ADGRB3: variants seen among roughly 807,000 people sequenced by gnomAD.
ADGRB3 encodes adhesion G protein-coupled receptor B3.
A neutral mutation model predicts 193.4 loss-of-function variants in ADGRB3; 37 were observed. That is an observed-to-expected ratio of 0.19 (90% CI 0.15 to 0.25). ADGRB3 has a LOEUF of 0.25. ADGRB3 is among the 10% of genes least tolerant of loss of function. The pLI is 1.00. For synonymous variants in ADGRB3, 690 were observed against 644.2 expected, an observed-to-expected ratio of 1.07 and a Z score of -1.08; for missense variants, 1,637 against 1,852.9, an observed-to-expected ratio of 0.88 and a Z score of 2.14.
chr6:68,803,090 T>C (rs1328877389), intron 3 of ADGRB3, among the ~76,000 whole-genome samples: 1 of 152,090 alleles, frequency 6.6e-6, no homozygotes, highest in Non-Finnish European at 1.5e-5. Context: ...CTATTGTCTG[T>C]ATATATGACA....
rs75942607 is a variant in ADGRB3, at chr6:69,061,393, A to C, written c.2334-1541A>C. On this transcript the variant is annotated intron_variant, in intron 15 of 31. Transcript: ENST00000370598. ...ATTAGAGAAAAACAAATCTCAAAAAAAGCTAGGTTCAGCATGGTTCCACCG... is the reference window on the plus strand; with the variant it reads ...ATTAGAGAAAAACAAATCTCAAAAACAGCTAGGTTCAGCATGGTTCCACCG... Among the ~76,000 whole-genome samples, 190 of 152,134 alleles carry C rather than the reference A, an allele frequency of 1.2e-3. 2 individuals carry two copies. Among genetic ancestry groups the C allele is most frequent in the Non-Finnish European group, 2.2e-3 (152 of 67,940 alleles).
chr6:69,338,552 G>T (rs1486366469), intron 24 of ADGRB3, among the ~76,000 whole-genome samples: 1 of 152,156 alleles, frequency 6.6e-6, no homozygotes, highest in Non-Finnish European at 1.5e-5. Flanking sequence ...CATCCTCAGG[G>T]CTAGGAGTCC....
intron 13 of ADGRB3, among the ~76,000 whole-genome samples, chr6:69,018,730 G>A (rs1770170078): frequency 6.6e-6 from 1 of 151,748 alleles, no homozygotes; most frequent in Admixed American, 6.6e-5. Context: ...ATTGCTTGTA[G>A]GCCTATTTTT....
At chr6:69,283,804 C>CA (rs1171464271) in intron 20 of ADGRB3, among the ~76,000 whole-genome samples, 1 of 152,098 alleles carries the variant, frequency 6.6e-6, no homozygotes, top group Non-Finnish European at 1.5e-5. Context: ...AATCTCAGTA[C>CA]AAGCAAGTGC....
intron 27 of ADGRB3, among the ~76,000 whole-genome samples, chr6:69,355,070 G>A (rs1454263097): frequency 6.6e-6 from 1 of 152,068 alleles, no homozygotes; most frequent in Non-Finnish European, 1.5e-5. Context: ...ACTTTACAAA[G>A]AATAATCAAC....
At chr6:69,265,353 A>G (rs553855991) in intron 20 of ADGRB3, among the ~76,000 whole-genome samples, 4 of 152,056 alleles carry the variant, frequency 2.6e-5, no homozygotes, top group African/African-American at 9.6e-5. Context: ...ATGTCTTTAC[A>G]TAGCACCATC....
rs1408880486 is a variant in ADGRB3 at position 69,351,978 on chromosome 6, G to T, written c.3460-2255G>T. 5.3e-5 allele frequency among the ~76,000 whole-genome samples: 8 copies of T among 152,260 alleles called. 1 individual carries two copies. The South Asian group carries it at 1.7e-3, about 32-fold the overall frequency. ...TCTTCATGAGACAAGCTCCCAGAAG[G>T]CACCATTGCTAACACAGTTTATCTT... On this transcript the variant is annotated intron_variant, in intron 26 of 31. Transcript: ENST00000370598.
chr6:69,160,854 T>C (rs535205168), intron 17 of ADGRB3, among the ~76,000 whole-genome samples: 2 of 152,240 alleles, frequency 1.3e-5, no homozygotes, highest in Middle Eastern at 3.4e-3. Context: ...CTTAGTTTCA[T>C]GAAAGAGACC....
intron 17 of ADGRB3, among the ~76,000 whole-genome samples, chr6:69,095,985 G>A (rs946963825): frequency 6.6e-6 from 1 of 152,176 alleles, no homozygotes; most frequent in African/African-American, 2.4e-5. Flanking sequence ...TGTAAGACCA[G>A]AGGCCTAGAA....
At chr6:69,003,282 A>C (rs563216587) in intron 11 of ADGRB3, among the ~76,000 whole-genome samples, 2 of 152,322 alleles carry the variant, frequency 1.3e-5, no homozygotes, top group Non-Finnish European at 2.9e-5. Flanking sequence ...CAAGAAAGAA[A>C]GGTTGAATGT....
intron 13 of ADGRB3, among the ~76,000 whole-genome samples, chr6:69,045,904 A>G (rs1582419174): frequency 1.3e-5 from 2 of 152,154 alleles, no homozygotes; most frequent in Non-Finnish European, 1.5e-5. Flanking sequence ...AATCTAGACT[A>G]TGTTCAAAAG....
At chr6:69,124,444 C>T (rs1207172280) in intron 17 of ADGRB3, among the ~76,000 whole-genome samples, 1 of 152,136 alleles carries the variant, frequency 6.6e-6, no homozygotes, top group Non-Finnish European at 1.5e-5. Context: ...ACTTAATTTG[C>T]TCTGTGACCT....
intron 17 of ADGRB3, among the ~76,000 whole-genome samples, chr6:69,204,212 G>A (rs1043547432): frequency 1.3e-4 from 20 of 152,088 alleles, no homozygotes; most frequent in African/African-American, 3.6e-4. Flanking sequence ...AAAGCCCAAA[G>A]TCCTCAAAAT....
intron 13 of ADGRB3, among the ~76,000 whole-genome samples, chr6:69,042,316 T>C (rs563353578): frequency 6.6e-6 from 1 of 152,278 alleles, no homozygotes; most frequent in African/African-American, 2.4e-5. Flanking sequence ...GTGTAAAGCA[T>C]TTGGCCAAAT....
chr6:68,884,670 C>T (rs1018598859), intron 3 of ADGRB3, among the ~76,000 whole-genome samples: 6 of 151,994 alleles, frequency 3.9e-5, no homozygotes, highest in African/African-American at 1.4e-4. Flanking sequence ...CAACGAAAAT[C>T]TGGCAGTGAA....
intron 3 of ADGRB3, among the ~76,000 whole-genome samples, chr6:68,810,205 G>A (rs1482709241): frequency 5.9e-5 from 9 of 152,152 alleles, no homozygotes; most frequent in East Asian, 1.9e-4. Flanking sequence ...TTGACCAGGA[G>A]TGGCTGCTTT....
At chr6:69,104,034 T>A (rs1773140337) in intron 17 of ADGRB3, among the ~76,000 whole-genome samples, 2 of 152,098 alleles carry the variant, frequency 1.3e-5, no homozygotes, top group Non-Finnish European at 2.9e-5. Flanking sequence ...CTTTAGTTTT[T>A]AATTTTTTTT....
chr6:68,975,123 T>C (rs1768705657), intron 9 of ADGRB3, 111 bp from the exon 10 acceptor site: 2 of 856,452 alleles, frequency 2.3e-6, no homozygotes, highest in Non-Finnish European at 3.6e-6. Flanking sequence ...CATGTGCATG[T>C]TTTTTAAAGA....
At chr6:69,198,731 G>A (rs1765350976) in intron 17 of ADGRB3, among the ~76,000 whole-genome samples, 1 of 152,080 alleles carries the variant, frequency 6.6e-6, no homozygotes, top group Admixed American at 6.6e-5. Flanking sequence ...TAGTCATCTG[G>A]AGAGGTTAGA....
Sources: gnomAD v4.1 joint callset for allele counts (sites outside exome capture counted in the v4.1 genomes callset) on GRCh38, gnomAD v4.1.1 for gene constraint, MANE v1.5 for transcripts, NCBI Gene and HGNC (gene_info 2026-07-23, HGNC 2026-07-21) for gene names.